The following GRIK1 variants were observed in gnomAD, a reference collection of about 807,000 sequenced individuals.
GRIK1 encodes glutamate ionotropic receptor kainate type subunit 1.
In GRIK1, 69 loss-of-function variants were observed where a neutral mutation model predicts 105.7. The observed-to-expected ratio is 0.65, with a 90% confidence interval of 0.54 to 0.80. The LOEUF (loss-of-function observed/expected upper bound fraction) is 0.80. Among genes scored for constraint, GRIK1 ranks in the 30% least tolerant of loss-of-function variants. GRIK1 has a pLI of 0.00. For missense variants in GRIK1, 1,109 were observed against 1,167.3 expected, an observed-to-expected ratio of 0.95 and a Z score of 0.73; for synonymous variants, 438 against 431.3, an observed-to-expected ratio of 1.02 and a Z score of -0.19.
At chr21:29,905,200 C>T (rs1443253699) in intron 1 of GRIK1, among the ~76,000 whole-genome samples, 1 of 152,086 alleles carries the variant, frequency 6.6e-6, no homozygotes, top group Admixed American at 6.5e-5. Flanking sequence ...TCCTTCCTTA[C>T]TTGATCATGA....
At chr21:29,698,855 A>C (rs541772927) in intron 1 of GRIK1, among the ~76,000 whole-genome samples, 68 of 152,330 alleles carry the variant, frequency 4.5e-4, no homozygotes, top group African/African-American at 1.6e-3. Flanking sequence ...GTCTTATGTG[A>C]ATATTTGTGC....
rs569886160 is a variant in GRIK1, at chr21:29,820,077, G to T, written c.118+119306C>A. Among the ~76,000 whole-genome samples the T allele has an allele frequency of 4.6e-5, 7 of 152,138 alleles. No homozygotes were observed. The South Asian group carries it at 1.5e-3, about 32-fold the overall frequency. ...AAAAAAATTAACAGCAACTGCAACT[G>T]CCATACAGAGTGCTTGCCATGTGAC... On this transcript the variant is annotated intron_variant, in intron 1 of 17. Coordinates refer to ENST00000327783, the MANE Select transcript of GRIK1 (RefSeq NM_001330994.2).
intron 6 of GRIK1, among the ~76,000 whole-genome samples, chr21:29,649,571 A>C (rs1045369304): frequency 2.0e-5 from 3 of 152,192 alleles, no homozygotes; most frequent in African/African-American, 7.2e-5. Flanking sequence ...CTGGGATAGC[A>C]GCTTCACCTC....
chr21:29,876,810 T>G (rs142252473), intron 1 of GRIK1, among the ~76,000 whole-genome samples: 2 of 152,190 alleles, frequency 1.3e-5, no homozygotes, highest in African/African-American at 4.8e-5. Context: ...TAACTAAAGT[T>G]AGGCAATTCG....
intron 1 of GRIK1, chr21:29,861,533 C>T: frequency 4.0e-6 from 1 of 249,212 alleles, no homozygotes; most frequent in East Asian, 1.4e-4. Context: ...GTCTCAAACT[C>T]CCGGACTCAA....
intron 2 of GRIK1, among the ~76,000 whole-genome samples, chr21:29,691,564 A>G (rs531515750): frequency 2.0e-5 from 3 of 152,362 alleles, no homozygotes; most frequent in Admixed American, 6.5e-5. Context: ...ACAACCATGT[A>G]AAATAGTGCC....
At chr21:29,939,119 G>T (rs1427007180) in intron 1 of GRIK1, among the ~76,000 whole-genome samples, 1 of 152,090 alleles carries the variant, frequency 6.6e-6, no homozygotes, top group Non-Finnish European at 1.5e-5. Flanking sequence ...TGCGAACCTG[G>T]ATCCCCGCAC....
At chr21:29,708,527 A>C (rs2063969423) in intron 1 of GRIK1, among the ~76,000 whole-genome samples, 1 of 152,220 alleles carries the variant, frequency 6.6e-6, no homozygotes, top group Admixed American at 6.5e-5. Context: ...TTCCCTTCGG[A>C]ATACATGCGT....
chr21:29,886,713 T>C (rs909781603), intron 1 of GRIK1, among the ~76,000 whole-genome samples: 2 of 152,178 alleles, frequency 1.3e-5, no homozygotes, highest in Admixed American at 6.6e-5. Context: ...GCCTGGCTTA[T>C]TATATCCTTT....
chr21:29,610,376 G>T (rs1269695378), intron 7 of GRIK1, among the ~76,000 whole-genome samples: 1 of 152,086 alleles, frequency 6.6e-6, no homozygotes, highest in African/African-American at 2.4e-5. Flanking sequence ...GGATTATCTG[G>T]GTGGGCCTAA....
intron 1 of GRIK1, among the ~76,000 whole-genome samples, chr21:29,712,312 T>C (rs1407811487): frequency 6.6e-6 from 1 of 152,124 alleles, no homozygotes; most frequent in Non-Finnish European, 1.5e-5. Context: ...TTCCAATTTT[T>C]TGCTATAAAA....
chr21:29,555,906 C>T (rs2090242396), intron 15 of GRIK1, among the ~76,000 whole-genome samples: 2 of 152,330 alleles, frequency 1.3e-5, no homozygotes, highest in African/African-American at 4.8e-5. Flanking sequence ...TAAACAAGCA[C>T]TGGCCTCAAG....
intron 1 of GRIK1, among the ~76,000 whole-genome samples, chr21:29,815,554 T>C (rs1352151700): frequency 6.6e-6 from 1 of 152,176 alleles, no homozygotes; most frequent in Non-Finnish European, 1.5e-5. Context: ...ATTTTTCTTC[T>C]AGAATAAGAT....
chr21:29,732,147 A>G (rs1238957014), intron 1 of GRIK1, among the ~76,000 whole-genome samples: 3 of 152,188 alleles, frequency 2.0e-5, no homozygotes, highest in Non-Finnish European at 2.9e-5. Context: ...ATTTCTACCT[A>G]AAGTAGGGTA....
At chr21:29,782,139 T>A (rs545613698) in intron 1 of GRIK1, among the ~76,000 whole-genome samples, 1 of 145,926 alleles carries the variant, frequency 6.9e-6, no homozygotes, top group African/African-American at 2.6e-5. Context: ...CAGGCTGGAG[T>A]GCAGTGGCGC....
At chr21:29,766,148 C>T (rs985148552) in intron 1 of GRIK1, among the ~76,000 whole-genome samples, 1 of 152,070 alleles carries the variant, frequency 6.6e-6, no homozygotes, top group Non-Finnish European at 1.5e-5. Context: ...CGTGCCTGGC[C>T]AGAAAGTTCT....
At chr21:29,875,392 G>A (rs2146156190) in intron 1 of GRIK1, among the ~76,000 whole-genome samples, 1 of 152,208 alleles carries the variant, frequency 6.6e-6, no homozygotes, top group East Asian at 1.9e-4. Context: ...GCTCCAAAGT[G>A]GTCTTGTTTT....
intron 1 of GRIK1, among the ~76,000 whole-genome samples, chr21:29,695,475 T>C (rs1204049780): frequency 7.8e-6 from 1 of 128,766 alleles, no homozygotes; most frequent in African/African-American, 2.8e-5. Flanking sequence ...TATCTATCTA[T>C]CTATATATAT....
Position 29,620,770 on chromosome 21 carries a change from C to CATATATATAT in GRIK1, c.1099-21843_1099-21834dup, listed in dbSNP as rs200139967. Among the ~76,000 whole-genome samples, 102 of 117,354 alleles carry CATATATATAT rather than the reference C, an allele frequency of 8.7e-4. 1 individual carries two copies. Among genetic ancestry groups the CATATATATAT allele is most frequent in the African/African-American group, 3.5e-3 (89 of 25,268 alleles). The allele number at this position is 117,354 out of a possible 152,430, so 77.0% of individuals were successfully genotyped here. A position where few individuals can be genotyped will look rare whatever the true frequency, so the allele number is the denominator to read the frequency against. On this transcript the variant is annotated intron_variant, in intron 7 of 17. Transcript: ENST00000327783. ...TAAGTTACATAAATGGTATGAAAGTCATATATATATAGATATATATATCTA... is the reference window on the plus strand; with the variant it reads ...TAAGTTACATAAATGGTATGAAAGTCATATATATATATATATATATAGATATATATATCTA...
Sources: gnomAD v4.1 joint callset for allele counts (sites outside exome capture counted in the v4.1 genomes callset) on GRCh38, gnomAD v4.1.1 for gene constraint, MANE v1.5 for transcripts, NCBI Gene and HGNC (gene_info 2026-07-23, HGNC 2026-07-21) for gene names.